The following MDFIC2 variants were observed in gnomAD, a reference collection of about 807,000 sequenced individuals.
MDFIC2 encodes MyoD family inhibitor domain containing 2, also known as myoD family inhibitor domain-containing protein 2.
chr3:70,293,807 C>A (rs1440963457), intron 2 of MDFIC2, among the ~76,000 whole-genome samples: 1 of 151,790 alleles, frequency 6.6e-6, no homozygotes, highest in African/African-American at 2.4e-5. Flanking sequence ...AGAAAAAAGA[C>A]CTTAGGAACC....
At chr3:70,222,849 T>C (rs1319084664) in intron 2 of MDFIC2, among the ~76,000 whole-genome samples, 1 of 152,176 alleles carries the variant, frequency 6.6e-6, no homozygotes, top group Non-Finnish European at 1.5e-5. Context: ...TGCTGATGTT[T>C]TAAAGGAATG....
Position 70,312,229 on chromosome 3 carries a change from A to G in MDFIC2, c.1-256T>C, listed in dbSNP as rs185591436. Among the ~76,000 whole-genome samples the G allele has an allele frequency of 2.6e-5, 4 of 152,314 alleles. No individual in the cohort carries two copies. The East Asian group carries it at 7.7e-4, about 29-fold the overall frequency. On this transcript the variant is annotated intron_variant, in intron 1 of 3. Transcript: ENST00000567252. The stretch of plus-strand genomic sequence containing the variant: ...TGTTACAAGACCTTACAATTTCTCA[A>G]TGTGAAAGAATAACAGATTAACAAC...
chr3:70,206,756 C>G lies in MDFIC2; in HGVS notation c.123G>C (p.Glu41Asp), dbSNP rs1481820001. ...TTATAACAATAGCATTAATGGGTTT[C>G]TCATCTGCATGCTTTGCATTCGTGA... ...TQLTNAKHADEKPINAIVINS... is the reference protein window; with the variant it reads ...TQLTNAKHADDKPINAIVINS... The change falls in exon 3 of 4, where the codon GAG becomes GAC. Residue 41 changes from glutamate (E) to aspartate (D), a missense_variant. Transcript: ENST00000567252. The G allele has an allele frequency of 2.3e-5, 9 of 397,590 alleles. No homozygotes were observed. The highest frequency in any genetic ancestry group is 4.4e-6 in the Non-Finnish European group (1 of 225,498). The allele number at this position is 397,590 out of a possible 1,614,324, so 24.6% of individuals were successfully genotyped here. A position where few individuals can be genotyped will look rare whatever the true frequency, so the allele number is the denominator to read the frequency against.
At chr3:70,265,125 CAT>C (rs1376091489) in intron 2 of MDFIC2, among the ~76,000 whole-genome samples, 1 of 152,168 alleles carries the variant, frequency 6.6e-6, no homozygotes, top group Non-Finnish European at 1.5e-5. Context: ...CCTCCCATGA[CAT>C]GTGGGAATTA....
rs974615541 is a variant in MDFIC2 at position 70,288,365 on chromosome 3, G to A, written c.88+23521C>T. Among the ~76,000 whole-genome samples the A allele has an allele frequency of 1.3e-4, 17 of 134,582 alleles. No homozygotes were observed. The East Asian group carries it at 3.3e-3, about 26-fold the overall frequency. 88.3% of individuals were successfully genotyped at this position (134,582 alleles called of 152,430 possible). A position where few individuals can be genotyped will look rare whatever the true frequency, so the allele number is the denominator to read the frequency against. On this transcript the variant is annotated intron_variant, in intron 2 of 3. Transcript: ENST00000567252. The stretch of plus-strand genomic sequence containing the variant: ...TTGTTCAGTTTCCATGTAGTTGAGC[G>A]GTTTTGAGTGAGATTCTTAATCCTG...
At chr3:70,295,024 A>G (rs1702276111) in intron 2 of MDFIC2, among the ~76,000 whole-genome samples, 2 of 152,268 alleles carry the variant, frequency 1.3e-5, no homozygotes, top group African/African-American at 2.4e-5. Flanking sequence ...TCATTGTCCA[A>G]AATTATTTGT....
chr3:70,224,067 C>T (rs957733162), intron 2 of MDFIC2, among the ~76,000 whole-genome samples: 5 of 152,106 alleles, frequency 3.3e-5, no homozygotes, highest in Non-Finnish European at 5.9e-5. Context: ...ACAGTAGATA[C>T]TGTAACAAAC....
At chr3:70,223,022 A>G (rs1480533774) in intron 2 of MDFIC2, among the ~76,000 whole-genome samples, 2 of 152,176 alleles carry the variant, frequency 1.3e-5, no homozygotes, top group Admixed American at 6.6e-5. Context: ...TTCTGTGAGT[A>G]TGAGTTAGGG....
chr3:70,276,982 T>C (rs1463958037), intron 2 of MDFIC2, among the ~76,000 whole-genome samples: 3 of 152,202 alleles, frequency 2.0e-5, no homozygotes, highest in African/African-American at 7.2e-5. Flanking sequence ...TTTTTTTTAT[T>C]CTTTCTTAAG....
At chr3:70,255,629 T>C (rs1161240355) in intron 2 of MDFIC2, among the ~76,000 whole-genome samples, 3 of 151,920 alleles carry the variant, frequency 2.0e-5, no homozygotes, top group East Asian at 3.9e-4. Context: ...GCCTGGCTAT[T>C]TTTTTTTCCT....
At chr3:70,219,726 A>G (rs1337500301) in intron 2 of MDFIC2, among the ~76,000 whole-genome samples, 1 of 152,180 alleles carries the variant, frequency 6.6e-6, no homozygotes, top group Non-Finnish European at 1.5e-5. Flanking sequence ...ACTGCAGAAA[A>G]TATCATTAGT....
At chr3:70,202,231 G>T (rs2106720857) in intron 3 of MDFIC2, among the ~76,000 whole-genome samples, 1 of 152,206 alleles carries the variant, frequency 6.6e-6, no homozygotes, top group South Asian at 2.1e-4. Flanking sequence ...TCTGCTAATG[G>T]TTAGTGACTA....
At chr3:70,236,451 T>G (rs981652644) in intron 2 of MDFIC2, among the ~76,000 whole-genome samples, 3 of 152,196 alleles carry the variant, frequency 2.0e-5, no homozygotes, top group African/African-American at 7.2e-5. Flanking sequence ...CCTTAAGATA[T>G]TCCCACTTGC....
At chr3:70,215,433 C>A (rs974267995) in intron 2 of MDFIC2, among the ~76,000 whole-genome samples, 11 of 152,062 alleles carry the variant, frequency 7.2e-5, no homozygotes, top group Admixed American at 4.6e-4. Context: ...GTTAATTGAT[C>A]CTGCTGGTAT....
chr3:70,295,491 C>A (rs1702281233), intron 2 of MDFIC2, among the ~76,000 whole-genome samples: 1 of 151,886 alleles, frequency 6.6e-6, no homozygotes, highest in Non-Finnish European at 1.5e-5. Context: ...TCACTTGAGG[C>A]CAGGAGTTCG....
At chr3:70,237,394 C>A (rs1167446208) in intron 2 of MDFIC2, among the ~76,000 whole-genome samples, 2 of 152,130 alleles carry the variant, frequency 1.3e-5, no homozygotes, top group Admixed American at 6.5e-5. Flanking sequence ...TAAAAAAGCC[C>A]ATTTCAGACT....
chr3:70,302,044 C>T (rs533932016), intron 2 of MDFIC2, among the ~76,000 whole-genome samples: 2 of 152,128 alleles, frequency 1.3e-5, no homozygotes, highest in South Asian at 4.1e-4. Context: ...AGAAGAATTG[C>T]CTGATGTCTT....
At chr3:70,282,712 T>A (rs2106683394) in intron 2 of MDFIC2, among the ~76,000 whole-genome samples, 1 of 152,338 alleles carries the variant, frequency 6.6e-6, no homozygotes, top group East Asian at 1.9e-4. Flanking sequence ...ACCTTGTCTA[T>A]GCCCTTCTTG....
At chr3:70,295,919 C>A (rs1306604787) in intron 2 of MDFIC2, among the ~76,000 whole-genome samples, 1 of 152,048 alleles carries the variant, frequency 6.6e-6, no homozygotes, top group African/African-American at 2.4e-5. Flanking sequence ...CATTATATTC[C>A]TTCATGAAAA....
Sources: gnomAD v4.1 joint callset for allele counts (sites outside exome capture counted in the v4.1 genomes callset) on GRCh38, gnomAD v4.1.1 for gene constraint, MANE v1.5 for transcripts, NCBI Gene and HGNC (gene_info 2026-07-23, HGNC 2026-07-21) for gene names.